Variants in COL21A1 observed in about 807,000 individuals in gnomAD.
The protein encoded by COL21A1 is collagen type XXI alpha 1 chain.
COL21A1 carries 149 observed loss-of-function variants against 137.9 expected under a neutral mutation model. That is an observed-to-expected ratio of 1.08 (90% CI 0.95 to 1.24). COL21A1 has a LOEUF of 1.24. Among genes scored for constraint, COL21A1 ranks in the 50% most tolerant of loss-of-function variants. COL21A1 has a pLI of 0.00. For synonymous variants in COL21A1, 456 were observed against 391.5 expected, an observed-to-expected ratio of 1.16 and a Z score of -1.95; for missense variants, 1,167 against 1,158.4, an observed-to-expected ratio of 1.01 and a Z score of -0.11.
At chr6:56,361,087 C>A (rs763081382) in intron 1 of COL21A1, among the ~76,000 whole-genome samples, 1 of 150,034 alleles carries the variant, frequency 6.7e-6, no homozygotes, top group Non-Finnish European at 1.5e-5. Context: ...GAGCAAGACT[C>A]CGTCTCAATC....
chr6:56,141,495 A>G (rs1774403913), intron 12 of COL21A1, among the ~76,000 whole-genome samples: 1 of 152,076 alleles, frequency 6.6e-6, no homozygotes, highest in Non-Finnish European at 1.5e-5. Flanking sequence ...CTTTCACATA[A>G]CCCACTCCCC....
At chr6:56,317,938 AGCAGGCAT>A (rs1764777909) in intron 1 of COL21A1, among the ~76,000 whole-genome samples, 1 of 152,184 alleles carries the variant, frequency 6.6e-6, no homozygotes, top group East Asian at 1.9e-4. Flanking sequence ...AGTTTTTCTT[AGCAGGCAT>A]GTAGCAAAGT....
Position 56,060,228 on chromosome 6 carries a change from A to T in COL21A1, c.2408-10T>A, listed in dbSNP as rs758580705. On this transcript the variant is annotated splice_polypyrimidine_tract_variant and intron_variant, in intron 27 of 29. Transcript: ENST00000244728. The stretch of plus-strand genomic sequence containing the variant: ...AAGACTGGTAGCTGGGCTTTCAAAA[A>T]CAAAGAAACCCCATCCCTTATGTTT... The T allele has an allele frequency of 3.8e-6, 6 of 1,578,506 alleles. No individual in the cohort carries two copies. The highest frequency in any genetic ancestry group is 5.2e-6 in the Non-Finnish European group (6 of 1,164,364).
At chr6:56,305,411 G>A (rs1287911287) in intron 1 of COL21A1, among the ~76,000 whole-genome samples, 1 of 152,050 alleles carries the variant, frequency 6.6e-6, no homozygotes, top group African/African-American at 2.4e-5. Context: ...ATGAATCTGG[G>A]GGCTCCTGTA....
intron 1 of COL21A1, among the ~76,000 whole-genome samples, chr6:56,221,216 A>G (rs1406746408): frequency 6.6e-6 from 1 of 152,058 alleles, no homozygotes; most frequent in African/African-American, 2.4e-5. Flanking sequence ...CCCAGATATG[A>G]CCAAATTTCT....
At chr6:56,383,570 C>T (rs1015835456) in intron 1 of COL21A1, among the ~76,000 whole-genome samples, 8 of 152,146 alleles carry the variant, frequency 5.3e-5, no homozygotes, top group African/African-American at 1.2e-4. Context: ...GAAACTTTCC[C>T]GGGTTATTCT....
At chr6:56,267,628 C>T (rs536984026) in intron 1 of COL21A1, among the ~76,000 whole-genome samples, 3 of 151,798 alleles carry the variant, frequency 2.0e-5, no homozygotes, top group Non-Finnish European at 4.4e-5. Context: ...TGGTGGCAGG[C>T]GCCTGTAATC....
intron 3 of COL21A1, among the ~76,000 whole-genome samples, chr6:56,178,108 T>G (rs1016773903): frequency 6.6e-6 from 1 of 152,168 alleles, no homozygotes; most frequent in Non-Finnish European, 1.5e-5. Context: ...AAAAAGTCTC[T>G]GAAGCAAATA....
intron 1 of COL21A1, among the ~76,000 whole-genome samples, chr6:56,391,487 A>C (rs1028290596): frequency 8.5e-5 from 13 of 152,098 alleles, no homozygotes; most frequent in African/African-American, 2.7e-4. Context: ...AAGTATCAAT[A>C]AAATGAAAAG....
At position 56,065,076 on chromosome 6, in the gene COL21A1, C is replaced by A. The variant is rs559065954; in HGVS notation, c.2128-454G>T. Among the ~76,000 whole-genome samples, 4 of 151,412 alleles carry A rather than the reference C, an allele frequency of 2.6e-5. No homozygotes were observed. In the East Asian group the frequency reaches 7.8e-4, roughly 30 times the overall value. ...CTGTCACATTTTAGTAAAAAAAAAG[C>A]CATTTAAATGAAGAGCTTTAAAGCA... On this transcript the variant is annotated intron_variant, in intron 23 of 29. Transcript: ENST00000244728.
intron 10 of COL21A1, among the ~76,000 whole-genome samples, chr6:56,151,656 T>C (rs1775331174): frequency 6.6e-6 from 1 of 152,208 alleles, no homozygotes; most frequent in African/African-American, 2.4e-5. Flanking sequence ...GGTTATAATG[T>C]GTGAAAGAGA....
In COL21A1 at chr6:56,115,870, A is replaced by C. The variant is rs1771874396; in HGVS notation, c.1758+8192T>G. Among the ~76,000 whole-genome samples the C allele has an allele frequency of 3.3e-5, 5 of 152,246 alleles. No homozygotes were observed. In the South Asian group the frequency reaches 1.0e-3, roughly 32 times the overall value. ...CAAAGCAGAAATTCTGGAGCTGAAA[A>C]ATGCAATTAGCATACTGAACAATGT... On this transcript the variant is annotated intron_variant, in intron 16 of 29. Transcript: ENST00000244728.
chr6:56,307,064 TCCTG>T (rs1764478904), intron 1 of COL21A1, among the ~76,000 whole-genome samples: 1 of 152,146 alleles, frequency 6.6e-6, no homozygotes, highest in African/African-American at 2.4e-5. Context: ...AAATGTTGCT[TCCTG>T]ATCGTTCCTC....
Position 56,123,112 on chromosome 6 carries a change from C to T in COL21A1, c.1758+950G>A, listed in dbSNP as rs546927924. On this transcript the variant is annotated intron_variant, in intron 16 of 29. Coordinates refer to ENST00000244728, the MANE Select transcript of COL21A1 (RefSeq NM_030820.4). ...TCTCTCACATAGTCTAGATTATAAA[C>T]TGTGTAAGAGTAGAAGCCATGATGG... Among the ~76,000 whole-genome samples, 10 of 152,314 alleles carry T rather than the reference C, an allele frequency of 6.6e-5. No individual in the cohort carries two copies. The South Asian group carries it at 2.1e-3, about 32-fold the overall frequency.
intron 17 of COL21A1, chr6:56,091,698 T>C (rs982864021): frequency 6.6e-6 from 1 of 152,260 alleles, no homozygotes; most frequent in African/African-American, 2.4e-5. Context: ...TAACACCAAA[T>C]ACAACATGCC....
At chr6:56,156,774 G>T in intron 10 of COL21A1, 113 bp downstream of exon 10, 1 of 841,008 alleles carries the variant, frequency 1.2e-6, no homozygotes, top group Non-Finnish European at 2.0e-6. Context: ...TCCTTCCTAT[G>T]GCAGCAGTCA....
chr6:56,327,243 A>C (rs1582785268), intron 1 of COL21A1, among the ~76,000 whole-genome samples: 1 of 151,944 alleles, frequency 6.6e-6, no homozygotes, highest in East Asian at 1.9e-4. Context: ...AGTAGAAATA[A>C]ATAATTATCT....
chr6:56,264,421 C>G (rs1179792390), intron 1 of COL21A1, among the ~76,000 whole-genome samples: 1 of 152,186 alleles, frequency 6.6e-6, no homozygotes, highest in Non-Finnish European at 1.5e-5. Context: ...GTGGCTCCTT[C>G]TCATTCCCTT....
At chr6:56,219,311 C>A (rs1166927294) in intron 1 of COL21A1, among the ~76,000 whole-genome samples, 3 of 151,074 alleles carry the variant, frequency 2.0e-5, no homozygotes, top group Non-Finnish European at 4.4e-5. Context: ...TGAATCCCAG[C>A]GAAACCATTA....
Sources: allele counts gnomAD v4.1 joint callset (sites outside exome capture counted in the v4.1 genomes callset), GRCh38; gene constraint gnomAD v4.1.1; transcripts MANE v1.5; gene names NCBI Gene and HGNC (gene_info 2026-07-23, HGNC 2026-07-21).